Variants in TRIP12 observed in about 807,000 individuals in gnomAD.
The protein encoded by TRIP12 is E3 ubiquitin-protein ligase TRIP12.
Under a neutral mutation model 244.2 loss-of-function variants are expected in TRIP12, and 25 were observed. The observed-to-expected ratio is 0.10, with a 90% CI of 0.07 to 0.14. The LOEUF (loss-of-function observed/expected upper bound fraction) is 0.14. Ranked by LOEUF, TRIP12 falls within the 10% of genes least tolerant of loss-of-function variation. The pLI, the probability that TRIP12 is intolerant of heterozygous loss-of-function variation, is 1.00. For synonymous variants in TRIP12, 905 were observed against 873.1 expected (o/e 1.04, Z -0.64); for missense variants, 1,677 against 2,486.4 (o/e 0.67, Z 6.92).
At chr2:229,922,180 G>C (rs1339512802), upstream of TRIP12, 2 of 213,876 alleles carry the variant, frequency 9.4e-6, no homozygotes, top group South Asian at 1.0e-4. Context: ...CTCCCGGCTC[G>C]ACTCTCTCAG....
chr2:229,829,900 G>C (rs1460836699), intron 7 of TRIP12, among the ~76,000 whole-genome samples: 1 of 152,204 alleles, frequency 6.6e-6, no homozygotes, highest in African/African-American at 2.4e-5. Context: ...AGTGAGCTGA[G>C]ATCGTGCCAT....
At position 229,771,266 on chromosome 2, in the gene TRIP12, T is replaced by C. The variant is rs181107154; in HGVS notation, c.5808+253A>G. On this transcript the variant is annotated intron_variant, in intron 39 of 41. Coordinates refer to ENST00000675903, the MANE Select transcript of TRIP12 (RefSeq NM_001348323.3). ...GTCCCCATTCTCCACTGAATGGCAT[T>C]GAGGGTCTTGGCTGACAAAGATGCT... Among the ~76,000 whole-genome samples the C allele has an allele frequency of 2.5e-3, 388 of 152,316 alleles. 1 individual carries two copies. The highest frequency in any genetic ancestry group is 3.7e-3 in the Non-Finnish European group (252 of 68,016).
rs769709519 is a variant in TRIP12 at position 229,793,104 on chromosome 2, T to C, written c.4010A>G (p.Asn1337Ser). 8.1e-6 allele frequency: 13 copies of C among 1,613,742 alleles called. No individual in the cohort carries two copies. Among genetic ancestry groups the C allele is most frequent in the East Asian group, 2.2e-5 (1 of 44,862 alleles). ...TAACTGGCATTTTAATTGATGTGTG[T>C]TGAAAAATTTTAAAGCCTGTGATCC... is the stretch of plus-strand genomic sequence containing the variant. ...NRGSQALKFF[N>S]THQLKCQLQR... The change falls in exon 27 of 42, where the codon AAC becomes AGC. Residue 1337 changes from asparagine (N) to serine (S), a missense_variant. Coordinates refer to ENST00000675903, the MANE Select transcript of TRIP12 (RefSeq NM_001348323.3).
chr2:229,794,329 G>A (rs60094003), intron 26 of TRIP12, among the ~76,000 whole-genome samples: 25,548 of 152,114 alleles, frequency 0.17, 2,716 homozygotes, highest in Middle Eastern at 0.26. Flanking sequence ...CACTTTGGGA[G>A]GCCAAGGCAG....
chr2:229,840,801 A>T lies in TRIP12; in HGVS notation c.1133+21T>A, dbSNP rs1575788191. The T allele has an allele frequency of 4.4e-5, 13 of 296,418 alleles. No individual in the cohort carries two copies. The East Asian group carries it at 5.4e-4, about 12-fold the overall frequency. 18.4% of individuals were successfully genotyped at this position (296,418 alleles called of 1,614,324 possible). ...AACAGAATAAAAATGAACTCACTAT[A>T]AAAAAAAAAAAACAAATTACCTGGT... On this transcript the variant is annotated intron_variant, in intron 5 of 41. Transcript: ENST00000675903.
intron 2 of TRIP12, 90 bp downstream of exon 2, chr2:229,879,892 A>G: frequency 2.2e-6 from 3 of 1,391,990 alleles, no homozygotes; most frequent in Non-Finnish European, 3.0e-6. Flanking sequence ...ATATGCAATG[A>G]ACCATTCAAG....
intron 2 of TRIP12, among the ~76,000 whole-genome samples, chr2:229,876,302 A>G (rs1002479882): frequency 6.6e-6 from 1 of 151,830 alleles, no homozygotes; most frequent in Non-Finnish European, 1.5e-5. Flanking sequence ...AAATATATCA[A>G]CCTGGGGGCT....
In TRIP12 at chr2:229,858,950, G is replaced by A. The variant is rs1472255253; in HGVS notation, c.849C>T (p.Ser283=). The change falls in exon 4 of 42, where the codon AGC becomes AGT. Residue 283 remains serine, a synonymous_variant. Transcript: ENST00000675903. ...CCTTTTCCCTGCTACTTCTTCTGGG[G>A]CTGGGACTGGACGCTGAACGGGAAC... is the stretch of plus-strand genomic sequence containing the variant. The part of the protein sequence containing the change: ...ARRSRSASSP[S]PRRSSREKEQ... 1.9e-6 allele frequency: 3 copies of A among 1,614,068 alleles called. No individual in the cohort carries two copies. The highest frequency in any genetic ancestry group is 1.7e-6 in the Non-Finnish European group (2 of 1,180,034).
chr2:229,791,730 G>A (rs888863285), intron 29 of TRIP12, 136 bp downstream of exon 29: 28 of 872,616 alleles, frequency 3.2e-5, no homozygotes, highest in Admixed American at 2.0e-4. Context: ...ATTTGAAATC[G>A]TCTTTCAGAA....
intron 21 of TRIP12, among the ~76,000 whole-genome samples, chr2:229,802,032 G>A (rs1040826412): frequency 1.3e-5 from 2 of 152,170 alleles, no homozygotes; most frequent in African/African-American, 4.8e-5. Context: ...TTCCTTGTAT[G>A]TCAGTGGGAA....
intron 21 of TRIP12, 147 bp downstream of exon 21, chr2:229,802,105 T>A: frequency 1.9e-6 from 1 of 538,162 alleles, no homozygotes; most frequent in Admixed American, 4.1e-5. Flanking sequence ...ATAAATGTTT[T>A]CTTCCCATTC....
At chr2:229,884,232 T>C (rs1328393029) in intron 1 of TRIP12, among the ~76,000 whole-genome samples, 1 of 122,650 alleles carries the variant, frequency 8.2e-6, no homozygotes, top group East Asian at 2.6e-4. Context: ...GCAATTTTTC[T>C]TTTCTTTTTT....
At chr2:229,772,781 T>TTCTC (rs10628270) in intron 38 of TRIP12, among the ~76,000 whole-genome samples, 7 of 150,544 alleles carry the variant, frequency 4.6e-5, no homozygotes, top group African/African-American at 9.7e-5. Context: ...TTAACCTATA[T>TTCTC]TCTCTCTCTC....
At chr2:229,820,039 C>T (rs1419964246) in intron 8 of TRIP12, among the ~76,000 whole-genome samples, 1 of 152,116 alleles carries the variant, frequency 6.6e-6, no homozygotes, top group Non-Finnish European at 1.5e-5. Context: ...CTAAATAATA[C>T]CAATTTTAGT....
chr2:229,901,012 C>T (rs1466368491), intron 1 of TRIP12, among the ~76,000 whole-genome samples: 1 of 150,812 alleles, frequency 6.6e-6, no homozygotes, highest in Admixed American at 6.6e-5. Flanking sequence ...TGGCTCACTG[C>T]AACCTCCGTC....
chr2:229,825,257 A>C (rs553812923), intron 8 of TRIP12, among the ~76,000 whole-genome samples: 1 of 152,292 alleles, frequency 6.6e-6, no homozygotes, highest in Admixed American at 6.5e-5. Flanking sequence ...TTAAATAAAA[A>C]CCCTGTAGAC....
At chr2:229,831,571 C>T (rs2053383237) in intron 6 of TRIP12, among the ~76,000 whole-genome samples, 2 of 152,180 alleles carry the variant, frequency 1.3e-5, no homozygotes, top group African/African-American at 4.8e-5. Context: ...GTAGAGGCTG[C>T]AGTGTGCCGT....
intron 5 of TRIP12, among the ~76,000 whole-genome samples, chr2:229,837,461 C>A (rs917470448): frequency 6.6e-6 from 1 of 152,014 alleles, no homozygotes; most frequent in Non-Finnish European, 1.5e-5. Flanking sequence ...ATGATGAAAC[C>A]CTGTCTCTAC....
chr2:229,881,205 C>G (rs2064802737), intron 1 of TRIP12, among the ~76,000 whole-genome samples: 2 of 152,218 alleles, frequency 1.3e-5, no homozygotes, highest in Admixed American at 1.3e-4. Context: ...TAGCTCAAAA[C>G]AGTTCTTAAT....
Sources: gnomAD v4.1 joint callset for allele counts (sites outside exome capture counted in the v4.1 genomes callset) on GRCh38, gnomAD v4.1.1 for gene constraint, MANE v1.5 for transcripts, NCBI Gene and HGNC (gene_info 2026-07-23, HGNC 2026-07-21) for gene names.